The following PARD3 variants were observed in gnomAD, a reference collection of about 807,000 sequenced individuals.
PARD3 encodes partitioning defective 3 homolog.
In PARD3, 75 loss-of-function variants were observed where a neutral mutation model predicts 155.4. That is an observed-to-expected ratio of 0.48 (90% CI 0.40 to 0.58). The LOEUF is 0.58. Among genes scored for constraint, PARD3 ranks in the 20% least tolerant of loss-of-function variants. The pLI is 0.00. For missense variants in PARD3, 1,642 were observed against 1,721.7 expected, an observed-to-expected ratio of 0.95 and a Z score of 0.82; for synonymous variants, 576 against 610.5, an observed-to-expected ratio of 0.94 and a Z score of 0.83.
chr10:34,617,875 C>T (rs976606691), intron 2 of PARD3, among the ~76,000 whole-genome samples: 22 of 152,102 alleles, frequency 1.4e-4, no homozygotes, highest in African/African-American at 5.3e-4. Flanking sequence ...TTTTTTTTTA[C>T]TTTTTTATTT....
intron 22 of PARD3, among the ~76,000 whole-genome samples, chr10:34,136,919 T>G (rs1278282492): frequency 6.6e-6 from 1 of 152,160 alleles, no homozygotes; most frequent in Non-Finnish European, 1.5e-5. Context: ...GGTTTGTGCC[T>G]TCATCATAGC....
intron 2 of PARD3, among the ~76,000 whole-genome samples, chr10:34,586,866 T>C (rs2088109819): frequency 6.6e-6 from 1 of 152,010 alleles, no homozygotes; most frequent in South Asian, 2.1e-4. Context: ...GGAGAATCGC[T>C]TGAACCCAGG....
At chr10:34,802,348 G>C (rs1842899974) in intron 1 of PARD3, among the ~76,000 whole-genome samples, 1 of 151,438 alleles carries the variant, frequency 6.6e-6, no homozygotes, top group Admixed American at 6.6e-5. Context: ...TCATAAACAA[G>C]AATCAAGCTG....
At chr10:34,477,119 A>T (rs1443006298) in intron 3 of PARD3, among the ~76,000 whole-genome samples, 1 of 152,216 alleles carries the variant, frequency 6.6e-6, no homozygotes, top group Non-Finnish European at 1.5e-5. Context: ...CTATTTCAGC[A>T]TTATTAATAA....
intron 24 of PARD3, among the ~76,000 whole-genome samples, chr10:34,116,604 A>C (rs1365976913): frequency 6.6e-6 from 1 of 152,148 alleles, no homozygotes; most frequent in Non-Finnish European, 1.5e-5. Flanking sequence ...CTATGTTCCT[A>C]ATCTCCCTCA....
chr10:34,531,767 G>A (rs561803560), intron 2 of PARD3, among the ~76,000 whole-genome samples: 1 of 152,066 alleles, frequency 6.6e-6, no homozygotes, highest in Admixed American at 6.6e-5. Flanking sequence ...CCTTTTTTGG[G>A]AGCATTTCCA....
At chr10:34,724,222 G>T (rs573778638) in intron 1 of PARD3, among the ~76,000 whole-genome samples, 1 of 152,164 alleles carries the variant, frequency 6.6e-6, no homozygotes, top group Middle Eastern at 3.4e-3. Flanking sequence ...ATCTCTCAGG[G>T]TATTTTTTTT....
intron 1 of PARD3, among the ~76,000 whole-genome samples, chr10:34,734,922 A>G (rs2094885377): frequency 6.6e-6 from 1 of 152,102 alleles, no homozygotes; most frequent in African/African-American, 2.4e-5. Flanking sequence ...AACAGCAGAC[A>G]AAATACAGAA....
chr10:34,699,552 AAGTT>A lies in PARD3; in HGVS notation c.121-3137_121-3134del, dbSNP rs1307366124. Among the ~76,000 whole-genome samples the A allele has an allele frequency of 2.0e-5, 3 of 152,304 alleles. No individual in the cohort carries two copies. In the East Asian group the frequency reaches 5.8e-4, roughly 29 times the overall value. The stretch of plus-strand genomic sequence containing the variant: ...GAAGAGTCCAGTATCCAGTGAGAAA[AAGTT>A]AGCGCATACTTATTGATTCCACTTT... On this transcript the variant is annotated intron_variant, in intron 1 of 24. Transcript: ENST00000374788.
intron 23 of PARD3, among the ~76,000 whole-genome samples, chr10:34,128,327 GAGA>G (rs1426456727): frequency 1.3e-5 from 2 of 152,118 alleles, no homozygotes; most frequent in Admixed American, 6.5e-5. Flanking sequence ...GAAGACAATG[GAGA>G]AGATCTTTAT....
chr10:34,243,062 T>C (rs1953710335), intron 22 of PARD3, among the ~76,000 whole-genome samples: 1 of 152,248 alleles, frequency 6.6e-6, no homozygotes, highest in Non-Finnish European at 1.5e-5. Flanking sequence ...ACTAATAACA[T>C]ACAATATTTA....
intron 14 of PARD3, among the ~76,000 whole-genome samples, chr10:34,352,934 GT>G (rs1838301391): frequency 6.6e-6 from 1 of 151,948 alleles, no homozygotes; most frequent in South Asian, 2.1e-4. Context: ...CGTCTGAGAT[GT>G]GGGGAGCGCC....
At chr10:34,416,781 C>G (rs1845719077) in intron 5 of PARD3, among the ~76,000 whole-genome samples, 1 of 152,156 alleles carries the variant, frequency 6.6e-6, no homozygotes, top group African/African-American at 2.4e-5. Flanking sequence ...AATTTTGTGA[C>G]TTTAAATACC....
At chr10:34,218,296 T>C (rs1198200845) in intron 22 of PARD3, among the ~76,000 whole-genome samples, 1 of 152,222 alleles carries the variant, frequency 6.6e-6, no homozygotes, top group African/African-American at 2.4e-5. Flanking sequence ...AGGACCACAC[T>C]TGGTGCTCTG....
At chr10:34,583,912 A>G (rs928356024) in intron 2 of PARD3, among the ~76,000 whole-genome samples, 1 of 152,190 alleles carries the variant, frequency 6.6e-6, no homozygotes, top group Non-Finnish European at 1.5e-5. Flanking sequence ...ACTAATTTTA[A>G]TTACTTCATC....
At chr10:34,415,841 C>A (rs896015799) in intron 5 of PARD3, among the ~76,000 whole-genome samples, 2 of 152,160 alleles carry the variant, frequency 1.3e-5, no homozygotes, top group Non-Finnish European at 2.9e-5. Flanking sequence ...TGCATACATA[C>A]TGTCTGGAGA....
rs1590507405 is a variant in PARD3 at position 34,665,821 on chromosome 10, T to A, written c.222+30497A>T. On this transcript the variant is annotated intron_variant, in intron 2 of 24. Coordinates refer to ENST00000374788, the MANE Select transcript of PARD3 (RefSeq NM_001184785.2). ...CCACTGCACTCCAGCCTGGGCTTTT[T>A]GAGACTTCGTCTCAATTAAAGAACA... Among the ~76,000 whole-genome samples, 4 of 136,080 alleles carry A rather than the reference T, an allele frequency of 2.9e-5. No homozygotes were observed. In the East Asian group the frequency reaches 5.9e-4, roughly 20 times the overall value. 89.3% of individuals were successfully genotyped at this position (136,080 alleles called of 152,430 possible).
intron 2 of PARD3, among the ~76,000 whole-genome samples, chr10:34,629,514 T>C (rs2092154795): frequency 6.6e-6 from 1 of 152,256 alleles, no homozygotes; most frequent in Admixed American, 6.5e-5. Flanking sequence ...TAGGTTTTGC[T>C]GCTCAGAGTG....
chr10:34,682,461 T>C (rs11598578), intron 2 of PARD3, among the ~76,000 whole-genome samples: 42,070 of 152,068 alleles, frequency 0.28, 7,069 homozygotes, highest in Non-Finnish European at 0.38. Flanking sequence ...ATGCTCTCTA[T>C]AAATTCATAG....
Sources: allele counts gnomAD v4.1 joint callset (sites outside exome capture counted in the v4.1 genomes callset), GRCh38; gene constraint gnomAD v4.1.1; transcripts MANE v1.5; gene names NCBI Gene and HGNC (gene_info 2026-07-23, HGNC 2026-07-21).